The following SPIRE1 variants were observed in gnomAD, a reference collection of about 807,000 sequenced individuals.
The protein encoded by SPIRE1 is spire type actin nucleation factor 1.
A neutral mutation model predicts 94.1 loss-of-function variants in SPIRE1; 40 were observed. The observed-to-expected ratio is 0.43, with a 90% CI of 0.33 to 0.55. The LOEUF is 0.55. SPIRE1 is among the 20% of genes least tolerant of loss of function. SPIRE1 has a pLI of 0.06. For synonymous variants in SPIRE1, 376 were observed against 371.7 expected (o/e 1.01, Z -0.13); for missense variants, 838 against 975.2 (o/e 0.86, Z 1.87).
chr18:12,565,782 T>A (rs1183297779), intron 2 of SPIRE1, among the ~76,000 whole-genome samples: 1 of 151,800 alleles, frequency 6.6e-6, no homozygotes, highest in Non-Finnish European at 1.5e-5. Context: ...ACGCCTGTAA[T>A]CCCAGGAATT....
chr18:12,449,965 G>T, intron 16 of SPIRE1, 69 bp from the exon 17 acceptor site: 1 of 1,484,488 alleles, frequency 6.7e-7, no homozygotes, highest in East Asian at 2.3e-5. Context: ...AAGAAAATAT[G>T]TATAAAAAAA....
intron 10 of SPIRE1, among the ~76,000 whole-genome samples, chr18:12,469,982 C>T (rs1011213087): frequency 1.3e-5 from 2 of 151,978 alleles, no homozygotes; most frequent in African/African-American, 4.8e-5. Context: ...CACTCTGTTG[C>T]CCAGGCTGGA....
chr18:12,598,460 T>C (rs112762415), intron 2 of SPIRE1, among the ~76,000 whole-genome samples: 1 of 152,180 alleles, frequency 6.6e-6, no homozygotes. Flanking sequence ...ACACTGTTTT[T>C]TTTTTCCCTA....
rs12961201 is a variant in SPIRE1 at position 12,559,189 on chromosome 18, G to T, written c.373-12285C>A. Among the ~76,000 whole-genome samples, 1 of 147,538 alleles carries T rather than the reference G, an allele frequency of 6.8e-6. No individual in the cohort carries two copies. The highest frequency in any genetic ancestry group is 6.6e-5 in the Admixed American group (1 of 15,048). On this transcript the variant is annotated intron_variant, in intron 2 of 16. Transcript: ENST00000409402. This position sits in a 1 kb window ranked among gnomAD's most constrained non-coding sequence, Gnocchi z 4.7. Reference sequence around the variant, plus strand: ...AGGAGCCCACGGGGTGGGGTGGGGTGGGGGGGCGCCGGCATGGCAGGCTGC... The same window carrying T: ...AGGAGCCCACGGGGTGGGGTGGGGTTGGGGGGCGCCGGCATGGCAGGCTGC...
chr18:12,460,613 G>C (rs1035924853), intron 12 of SPIRE1, among the ~76,000 whole-genome samples: 2 of 151,958 alleles, frequency 1.3e-5, no homozygotes, highest in Non-Finnish European at 2.9e-5. Context: ...TTGGGAGGCT[G>C]AGGCAGGAGA....
At chr18:12,557,924 C>T (rs567068617) in intron 2 of SPIRE1, among the ~76,000 whole-genome samples, 37 of 152,106 alleles carry the variant, frequency 2.4e-4, no homozygotes, top group Non-Finnish European at 4.0e-4. Flanking sequence ...GGGGAAAAGA[C>T]GGTCTCTTCA....
At chr18:12,586,073 C>T (rs1020502989) in intron 2 of SPIRE1, among the ~76,000 whole-genome samples, 7 of 152,186 alleles carry the variant, frequency 4.6e-5, no homozygotes, top group African/African-American at 1.7e-4. Context: ...ACTTCAGCCT[C>T]CCAAGTAGCT....
At chr18:12,562,451 A>G (rs1210678691) in intron 2 of SPIRE1, among the ~76,000 whole-genome samples, 3 of 151,950 alleles carry the variant, frequency 2.0e-5, no homozygotes, top group Non-Finnish European at 2.9e-5. Flanking sequence ...ACACCTGACT[A>G]AATTTATTTT....
intron 2 of SPIRE1, among the ~76,000 whole-genome samples, chr18:12,596,937 C>A (rs2036688478): frequency 6.6e-6 from 1 of 151,998 alleles, no homozygotes; most frequent in Admixed American, 6.6e-5. Flanking sequence ...CCTGCTAACC[C>A]CCTTCCTGTT....
rs570286533 is a variant in SPIRE1 at position 12,528,053 on chromosome 18, T to C, written c.729+7423A>G. Among the ~76,000 whole-genome samples the C allele has an allele frequency of 4.7e-5, 4 of 85,422 alleles. No individual in the cohort carries two copies. In the South Asian group the frequency reaches 2.0e-3, roughly 43 times the overall value. The allele number at this position is 85,422 out of a possible 152,430, so 56.0% of individuals were successfully genotyped here. A position where few individuals can be genotyped will look rare whatever the true frequency, so the allele number is the denominator to read the frequency against. On this transcript the variant is annotated intron_variant, in intron 4 of 16. Coordinates refer to ENST00000409402, the MANE Select transcript of SPIRE1 (RefSeq NM_001128626.2). The stretch of plus-strand genomic sequence containing the variant: ...ACCTGGGTGACAGAGCAAGACTCTA[T>C]CTCAAAAAAAAAAAAAAAAGTTAAA...
At chr18:12,505,015 C>T (rs1167955728) in intron 6 of SPIRE1, among the ~76,000 whole-genome samples, 3 of 152,106 alleles carry the variant, frequency 2.0e-5, no homozygotes, top group African/African-American at 7.2e-5. Flanking sequence ...TGAGAGGTAA[C>T]CTGGATCCAG....
chr18:12,526,788 T>C (rs1057008685), intron 4 of SPIRE1, among the ~76,000 whole-genome samples: 4 of 152,022 alleles, frequency 2.6e-5, no homozygotes, highest in Admixed American at 2.6e-4. Flanking sequence ...TGGCTCACTG[T>C]GACCTCTGTC....
At chr18:12,570,572 T>C (rs1300208969) in intron 2 of SPIRE1, among the ~76,000 whole-genome samples, 1 of 152,230 alleles carries the variant, frequency 6.6e-6, no homozygotes. Flanking sequence ...GGAGTATGTT[T>C]TCCTTTATAC....
intron 6 of SPIRE1, among the ~76,000 whole-genome samples, chr18:12,498,769 G>T (rs1267073220): frequency 6.6e-6 from 1 of 152,130 alleles, no homozygotes; most frequent in Non-Finnish European, 1.5e-5. Flanking sequence ...TGGGACTACA[G>T]GTGTGAACCA....
chr18:12,498,245 G>A (rs2033529943), intron 6 of SPIRE1, among the ~76,000 whole-genome samples: 1 of 152,188 alleles, frequency 6.6e-6, no homozygotes, highest in Admixed American at 6.5e-5. Context: ...AAACCATTTT[G>A]CTGCTGGGTC....
At chr18:12,658,806 T>C, upstream of SPIRE1, 4 of 311,552 alleles carry the variant, frequency 1.3e-5, no homozygotes, top group South Asian at 2.4e-5. Context: ...TCTTTACGGG[T>C]TTTCCTCACT....
At chr18:12,454,855 C>T (rs1027767567) in intron 12 of SPIRE1, among the ~76,000 whole-genome samples, 4 of 152,054 alleles carry the variant, frequency 2.6e-5, no homozygotes, top group Admixed American at 6.5e-5. Context: ...TGTCAGTTGT[C>T]TTCTACACCT....
At chr18:12,455,102 AT>A (rs1266338840) in intron 12 of SPIRE1, among the ~76,000 whole-genome samples, 1 of 151,612 alleles carries the variant, frequency 6.6e-6, no homozygotes, top group Non-Finnish European at 1.5e-5. Context: ...TGCCCAGCTA[AT>A]TTTTTTGTAT....
intron 2 of SPIRE1, among the ~76,000 whole-genome samples, chr18:12,560,032 A>C (rs1023738788): frequency 2.6e-5 from 4 of 152,216 alleles, no homozygotes; most frequent in Non-Finnish European, 4.4e-5. Context: ...TACAAATCAA[A>C]ACTACAATGA....
Sources: gnomAD v4.1 joint callset for allele counts (sites outside exome capture counted in the v4.1 genomes callset) on GRCh38, gnomAD v4.1.1 for gene constraint, Gnocchi (gnomAD v3.1) non-coding constraint, MANE v1.5 for transcripts, NCBI Gene and HGNC (gene_info 2026-07-23, HGNC 2026-07-21) for gene names.